The following NTM variants were observed in gnomAD, a reference collection of about 807,000 sequenced individuals.
NTM encodes IgLON family member 2.
NTM carries 13 observed loss-of-function variants against 42.1 expected under a neutral mutation model. The observed-to-expected ratio is 0.31, with a 90% CI of 0.20 to 0.49. NTM has a LOEUF of 0.49. NTM is among the 20% of genes least tolerant of loss of function. The pLI is 0.99. For missense variants in NTM, 373 were observed against 452.8 expected, an observed-to-expected ratio of 0.82 and a Z score of 1.60; for synonymous variants, 187 against 179.2, an observed-to-expected ratio of 1.04 and a Z score of -0.35.
At chr11:131,742,730 A>G (rs2081342670) in intron 1 of NTM, among the ~76,000 whole-genome samples, 1 of 152,270 alleles carries the variant, frequency 6.6e-6, no homozygotes, top group Admixed American at 6.5e-5. Context: ...TAAATAACCA[A>G]TGTAAATAGA....
At chr11:132,075,358 T>G (rs2058225464) in intron 2 of NTM, among the ~76,000 whole-genome samples, 1 of 152,212 alleles carries the variant, frequency 6.6e-6, no homozygotes, top group African/African-American at 2.4e-5. Flanking sequence ...TCAATACATA[T>G]TAAAATGTGA....
At chr11:131,381,965 G>A (rs1304886519) in intron 1 of NTM, among the ~76,000 whole-genome samples, 1 of 152,178 alleles carries the variant, frequency 6.6e-6, no homozygotes, top group African/African-American at 2.4e-5. Context: ...TTTCATAGCT[G>A]ATAAACTATG....
chr11:131,923,674 A>G (rs1286080892), intron 2 of NTM, among the ~76,000 whole-genome samples: 1 of 152,208 alleles, frequency 6.6e-6, no homozygotes, highest in Non-Finnish European at 1.5e-5. Context: ...AGGCCTACAA[A>G]CTTTGGGGGA....
At chr11:131,396,078 A>G (rs978206858) in intron 1 of NTM, among the ~76,000 whole-genome samples, 3 of 152,202 alleles carry the variant, frequency 2.0e-5, no homozygotes, top group African/African-American at 7.2e-5. Flanking sequence ...GCAATGTCCC[A>G]GCACTCAAGG....
chr11:131,507,497 G>T (rs538201192), intron 1 of NTM, among the ~76,000 whole-genome samples: 238 of 152,140 alleles, frequency 1.6e-3, no homozygotes, highest in Non-Finnish European at 2.8e-3. Context: ...GCGTGATGCC[G>T]CCAGCTTTGT....
intron 1 of NTM, among the ~76,000 whole-genome samples, chr11:131,518,433 C>A (rs938504318): frequency 6.6e-6 from 1 of 152,108 alleles, no homozygotes; most frequent in East Asian, 1.9e-4. Flanking sequence ...GAATTCAGTA[C>A]ACATTTTCCC....
rs189158600 is a variant in NTM at position 131,698,830 on chromosome 11, T to A, written c.83-212734T>A. 2.7e-3 allele frequency among the ~76,000 whole-genome samples: 409 copies of A among 152,328 alleles called. 1 individual carries two copies. Among genetic ancestry groups the A allele is most frequent in the African/African-American group, 9.2e-3 (381 of 41,576 alleles). On this transcript the variant is annotated intron_variant, in intron 1 of 8. Transcript: ENST00000683400. The stretch of plus-strand genomic sequence containing the variant: ...CCCAGATATGATTTGCTGAGGGATA[T>A]CTGAGAGAAAGCCTATGTGTCCTTT...
At chr11:131,549,315 G>A (rs1004658179) in intron 1 of NTM, among the ~76,000 whole-genome samples, 1 of 152,056 alleles carries the variant, frequency 6.6e-6, no homozygotes, top group African/African-American at 2.4e-5. Flanking sequence ...AATAAATTGA[G>A]TCAGCAAAAA....
intron 2 of NTM, among the ~76,000 whole-genome samples, chr11:132,085,217 G>A (rs1205990780): frequency 1.3e-5 from 2 of 152,088 alleles, no homozygotes; most frequent in South Asian, 2.1e-4. Flanking sequence ...ACATTTTACT[G>A]TTCTTATACA....
intron 1 of NTM, among the ~76,000 whole-genome samples, chr11:131,633,523 GTCTC>G (rs951697594): frequency 2.8e-4 from 42 of 148,552 alleles, no homozygotes; most frequent in South Asian, 1.7e-3. Context: ...TCAGGGTTCT[GTCTC>G]TCTCTCTCTC....
At chr11:131,625,264 G>A (rs528683354) in intron 1 of NTM, among the ~76,000 whole-genome samples, 19 of 147,558 alleles carry the variant, frequency 1.3e-4, no homozygotes, top group East Asian at 5.8e-4. Context: ...AAATGCAGAT[G>A]TGGGGGGCCA....
intron 1 of NTM, among the ~76,000 whole-genome samples, chr11:131,691,542 C>G (rs2074718331): frequency 6.7e-6 from 1 of 148,240 alleles, no homozygotes; most frequent in Admixed American, 6.6e-5. Flanking sequence ...ACTCCATCCC[C>G]TTGTCTTCCC....
intron 3 of NTM, among the ~76,000 whole-genome samples, chr11:132,184,841 A>G (rs1279568529): frequency 6.6e-6 from 1 of 152,198 alleles, no homozygotes; most frequent in Non-Finnish European, 1.5e-5. Context: ...TGAACGTACC[A>G]TGTCATTGTG....
intron 1 of NTM, among the ~76,000 whole-genome samples, chr11:131,656,088 G>A (rs1181711494): frequency 6.6e-6 from 1 of 152,188 alleles, no homozygotes; most frequent in Non-Finnish European, 1.5e-5. Flanking sequence ...ATTTTCCTGG[G>A]CCTCAGTACT....
chr11:132,020,048 C>T (rs754577383), intron 2 of NTM, among the ~76,000 whole-genome samples: 1 of 152,004 alleles, frequency 6.6e-6, no homozygotes, highest in Non-Finnish European at 1.5e-5. Context: ...CATATTTACC[C>T]AGTGTTTAAC....
intron 4 of NTM, among the ~76,000 whole-genome samples, chr11:132,252,786 G>T (rs1485796044): frequency 1.3e-5 from 2 of 152,174 alleles, no homozygotes; most frequent in Non-Finnish European, 2.9e-5. Flanking sequence ...GACATTGACT[G>T]TCTCTGAAAG....
At chr11:132,028,122 C>T (rs899066499) in intron 2 of NTM, among the ~76,000 whole-genome samples, 1 of 151,712 alleles carries the variant, frequency 6.6e-6, no homozygotes, top group Non-Finnish European at 1.5e-5. Flanking sequence ...TGCAAGTTGT[C>T]TGCTTTTTCC....
At chr11:132,194,070 T>C (rs2079758921) in intron 3 of NTM, among the ~76,000 whole-genome samples, 1 of 151,928 alleles carries the variant, frequency 6.6e-6, no homozygotes, top group Non-Finnish European at 1.5e-5. Context: ...CTGAAATTAT[T>C]CCAAAAAATA....
intron 1 of NTM, among the ~76,000 whole-genome samples, chr11:131,605,301 CT>C (rs1475215119): frequency 2.0e-5 from 3 of 152,070 alleles, no homozygotes; most frequent in Non-Finnish European, 4.4e-5. Flanking sequence ...GAGTACTTTA[CT>C]CTTTTTGATG....
Sources: allele counts gnomAD v4.1 joint callset (sites outside exome capture counted in the v4.1 genomes callset), GRCh38; gene constraint gnomAD v4.1.1; transcripts MANE v1.5; gene names NCBI Gene and HGNC (gene_info 2026-07-23, HGNC 2026-07-21).